The following PARN variants were observed in gnomAD, a reference collection of about 807,000 sequenced individuals.
The protein encoded by PARN is poly(A)-specific ribonuclease PARN.
A neutral mutation model predicts 102.8 loss-of-function variants in PARN; 71 were observed. The observed-to-expected ratio is 0.69, with a 90% CI of 0.57 to 0.84. PARN has a LOEUF of 0.84. Among genes scored for constraint, PARN ranks in the 40% least tolerant of loss-of-function variants. PARN has a pLI of 0.00. For synonymous variants in PARN, 261 were observed against 252.9 expected, an observed-to-expected ratio of 1.03 and a Z score of -0.30; for missense variants, 782 against 760.9, an observed-to-expected ratio of 1.03 and a Z score of -0.33.
rs181200754 is a variant in PARN, at chr16:14,459,644, T to C, written c.1671-12563A>G. On this transcript the variant is annotated intron_variant, in intron 22 of 23. Transcript: ENST00000437198. Reference sequence around the variant, plus strand: ...TTCCAATCAAAGAGCTAGCAGACTTTTTGTAGAAACTGACAAACTGACTAA... The same window carrying C: ...TTCCAATCAAAGAGCTAGCAGACTTCTTGTAGAAACTGACAAACTGACTAA... 5.9e-5 allele frequency among the ~76,000 whole-genome samples: 9 copies of C among 152,346 alleles called. 2 individuals carry two copies. Among genetic ancestry groups the C allele is most frequent in the African/African-American group, 2.2e-4 (9 of 41,580 alleles).
chr16:14,509,497 T>C (rs1368365325), intron 21 of PARN, among the ~76,000 whole-genome samples: 13 of 152,228 alleles, frequency 8.5e-5, no homozygotes, highest in Admixed American at 8.5e-4. Flanking sequence ...AGCAGTTTAA[T>C]AACTAATCCT....
At chr16:14,490,054 G>C (rs1010528415) in intron 21 of PARN, among the ~76,000 whole-genome samples, 1 of 152,178 alleles carries the variant, frequency 6.6e-6, no homozygotes, top group African/African-American at 2.4e-5. Context: ...GATACTTGGA[G>C]GGGTGAGGCT....
chr16:14,463,852 C>A (rs59033096), intron 22 of PARN, among the ~76,000 whole-genome samples: 11 of 106,670 alleles, frequency 1.0e-4, no homozygotes, highest in Non-Finnish European at 1.5e-4. Context: ...GGGGGGGGGA[C>A]GACAAGGTCT....
chr16:14,468,494 G>A (rs1962505107), intron 22 of PARN, among the ~76,000 whole-genome samples: 2 of 152,264 alleles, frequency 1.3e-5, no homozygotes, highest in African/African-American at 4.8e-5. Context: ...GAGGCACAAG[G>A]AGCAAGAATA....
chr16:14,509,001 T>C (rs1363414611), intron 21 of PARN, among the ~76,000 whole-genome samples: 1 of 151,440 alleles, frequency 6.6e-6, no homozygotes, highest in African/African-American at 2.4e-5. Flanking sequence ...AGGTAAAATT[T>C]CCAAAGAAGC....
chr16:14,472,503 T>C (rs191041561), intron 22 of PARN, among the ~76,000 whole-genome samples: 21 of 152,282 alleles, frequency 1.4e-4, no homozygotes, highest in African/African-American at 5.1e-4. Flanking sequence ...CAGTCTGAAA[T>C]TAGCATAGCC....
intron 6 of PARN, among the ~76,000 whole-genome samples, chr16:14,614,753 C>G (rs1045058509): frequency 3.7e-5 from 5 of 135,710 alleles, no homozygotes. Flanking sequence ...GAGGGTGAGG[C>G]AGGAGAATCA....
intron 21 of PARN, among the ~76,000 whole-genome samples, chr16:14,542,065 C>T (rs974112602): frequency 6.6e-5 from 10 of 151,168 alleles, no homozygotes; most frequent in Admixed American, 1.3e-4. Context: ...AGTGCAGTGG[C>T]GTGATATTGG....
At chr16:14,538,533 T>C (rs1966713641) in intron 21 of PARN, among the ~76,000 whole-genome samples, 1 of 152,142 alleles carries the variant, frequency 6.6e-6, no homozygotes, top group Non-Finnish European at 1.5e-5. Flanking sequence ...TTTTTCACAT[T>C]TTCAATGAGA....
chr16:14,605,497 T>C (rs1971123099), intron 10 of PARN, among the ~76,000 whole-genome samples: 2 of 152,206 alleles, frequency 1.3e-5, no homozygotes, highest in African/African-American at 4.8e-5. Flanking sequence ...GTAAAATGTA[T>C]ATGTTGTATT....
intron 21 of PARN, among the ~76,000 whole-genome samples, chr16:14,551,459 C>A (rs1967298366): frequency 6.6e-6 from 1 of 151,966 alleles, no homozygotes; most frequent in African/African-American, 2.4e-5. Flanking sequence ...ATCCCAGCTA[C>A]TCAGGAGGCT....
chr16:14,543,919 G>A (rs1332298243), intron 21 of PARN, among the ~76,000 whole-genome samples: 1 of 152,204 alleles, frequency 6.6e-6, no homozygotes, highest in Admixed American at 6.5e-5. Flanking sequence ...ACCCGGCTGG[G>A]CACGGTGGCT....
At chr16:14,613,991 G>A (rs1971699163) in intron 6 of PARN, among the ~76,000 whole-genome samples, 1 of 152,186 alleles carries the variant, frequency 6.6e-6, no homozygotes, top group South Asian at 2.1e-4. Flanking sequence ...ATGAGACCAT[G>A]CGTAACAGGT....
At chr16:14,612,157 G>A (rs765897593) in intron 6 of PARN, among the ~76,000 whole-genome samples, 25 of 152,222 alleles carry the variant, frequency 1.6e-4, no homozygotes, top group Admixed American at 8.5e-4. Context: ...AACACCTTGC[G>A]GCCGGGCATG....
chr16:14,628,639 G>A (rs1972828580), intron 2 of PARN, among the ~76,000 whole-genome samples: 1 of 152,108 alleles, frequency 6.6e-6, no homozygotes. Context: ...AGTTTGGAGT[G>A]GTTAATATCT....
chr16:14,469,988 T>C (rs1481216243), intron 22 of PARN, among the ~76,000 whole-genome samples: 1 of 152,214 alleles, frequency 6.6e-6, no homozygotes, highest in Non-Finnish European at 1.5e-5. Flanking sequence ...CAAAAAATTA[T>C]ACTATTACAT....
intron 21 of PARN, among the ~76,000 whole-genome samples, chr16:14,483,616 C>T (rs989161486): frequency 6.6e-6 from 1 of 152,098 alleles, no homozygotes; most frequent in Non-Finnish European, 1.5e-5. Context: ...ACATGTCATC[C>T]ATCACGCAAA....
chr16:14,591,341 A>C (rs910355131), intron 13 of PARN, among the ~76,000 whole-genome samples: 1 of 151,560 alleles, frequency 6.6e-6, no homozygotes, highest in Non-Finnish European at 1.5e-5. Context: ...CAGTGAGCCG[A>C]GATTGCACCA....
At chr16:14,473,719 AGGGTCAAAG>A (rs1235666082) in intron 22 of PARN, among the ~76,000 whole-genome samples, 1 of 152,164 alleles carries the variant, frequency 6.6e-6, no homozygotes, top group South Asian at 2.1e-4. Context: ...AGCTGCCATA[AGGGTCAAAG>A]GGGCCACTGC....
Sources: allele counts gnomAD v4.1 joint callset (sites outside exome capture counted in the v4.1 genomes callset), GRCh38; gene constraint gnomAD v4.1.1; transcripts MANE v1.5; gene names NCBI Gene and HGNC (gene_info 2026-07-23, HGNC 2026-07-21).